The following TLN2 variants were observed in gnomAD, a reference collection of about 807,000 sequenced individuals.
TLN2 encodes talin 2, also known as talin-2.
Under a neutral mutation model 294.7 loss-of-function variants are expected in TLN2, and 118 were observed. The ratio of observed to expected loss-of-function variants is 0.40; its 90% CI spans 0.34 to 0.47. TLN2 has a LOEUF of 0.47. Ranked by LOEUF, TLN2 falls within the 20% of genes least tolerant of loss-of-function variation. The pLI is 0.84. For synonymous variants in TLN2, 1,431 were observed against 1,304.5 expected (o/e 1.10, Z -2.09); for missense variants, 3,083 against 3,282.2 (o/e 0.94, Z 1.48).
At chr15:62,640,465 G>A in intron 3 of TLN2, 1 of 419,798 alleles carries the variant, frequency 2.4e-6, no homozygotes, top group Non-Finnish European at 4.7e-6. Flanking sequence ...CTTGCCAGGT[G>A]GGCACAAACC....
chr15:62,716,448 A>G lies in TLN2; in HGVS notation c.2752A>G (p.Asn918Asp). Residue 918 changes from asparagine (N) to aspartate (D), a missense_variant, in exon 23 of 59, where the codon AAC becomes GAC. By Grantham distance (23) the Asn-to-Asp change is conservative. Coordinates refer to ENST00000636159, the MANE Select transcript of TLN2 (RefSeq NM_015059.3). ...AQNAIKKKIV[N>D]RLEVAAKQAA... ...GAATGCTATTAAGAAAAAAATTGTC[A>G]ACCGACTGGAGGTAAGGAAAGAGGC... The G allele has an allele frequency of 3.1e-6, 5 of 1,604,524 alleles. No individual in the cohort carries two copies. Among genetic ancestry groups the G allele is most frequent in the Non-Finnish European group, 4.3e-6 (5 of 1,176,034 alleles).
At chr15:62,400,822 T>G (rs2032962694) in intron 1 of TLN2, among the ~76,000 whole-genome samples, 1 of 150,516 alleles carries the variant, frequency 6.6e-6, no homozygotes, top group African/African-American at 2.4e-5. Flanking sequence ...GTTTTTTTTT[T>G]TTTTTTTTTT....
At chr15:62,825,923 C>T (rs990786806) in intron 54 of TLN2, among the ~76,000 whole-genome samples, 2 of 134,798 alleles carry the variant, frequency 1.5e-5, no homozygotes, top group Non-Finnish European at 3.0e-5. Flanking sequence ...GTCCCAGCTA[C>T]TCAGGAGGCT....
intron 1 of TLN2, among the ~76,000 whole-genome samples, chr15:62,475,865 G>T (rs2037756928): frequency 6.6e-6 from 1 of 152,196 alleles, no homozygotes; most frequent in African/African-American, 2.4e-5. Context: ...AATAACATTT[G>T]TTTAGAAACA....
chr15:62,806,402 A>C (rs117175218), intron 51 of TLN2, among the ~76,000 whole-genome samples: 1 of 152,164 alleles, frequency 6.6e-6, no homozygotes, highest in African/African-American at 2.4e-5. Flanking sequence ...GGATTGCAGC[A>C]CTTGGTTCCA....
chr15:62,525,617 C>A (rs1042477881), intron 1 of TLN2, among the ~76,000 whole-genome samples: 1 of 152,178 alleles, frequency 6.6e-6, no homozygotes, highest in East Asian at 1.9e-4. Flanking sequence ...CTGCAGTCAC[C>A]CTTTTCTTGT....
chr15:62,676,381 C>T lies in TLN2; in HGVS notation c.957+1060C>T, dbSNP rs113493732. On this transcript the variant is annotated intron_variant, in intron 11 of 58. Transcript: ENST00000636159. ...TCGCTGGGGCCTTTGCAATGAAGAA[C>T]GTATACATCAGTCACCTTGTTTTTA... 2.0e-5 allele frequency among the ~76,000 whole-genome samples: 3 copies of T among 152,276 alleles called. 1 individual carries two copies. Among genetic ancestry groups the T allele is most frequent in the African/African-American group, 7.2e-5 (3 of 41,558 alleles).
At chr15:62,425,303 G>A (rs186263367) in intron 1 of TLN2, among the ~76,000 whole-genome samples, 75 of 150,672 alleles carry the variant, frequency 5.0e-4, no homozygotes, top group African/African-American at 1.8e-3. Flanking sequence ...TGCTGCTAGG[G>A]GATGAGCACC....
At chr15:62,638,601 A>T (rs758516622) in intron 3 of TLN2, 36 of 455,848 alleles carry the variant, frequency 7.9e-5, no homozygotes, top group Admixed American at 4.0e-4. Context: ...CTTGACTTCA[A>T]GGTTTTAGTT....
chr15:62,722,591 T>A, intron 26 of TLN2, 104 bp downstream of exon 26: 1 of 1,360,918 alleles, frequency 7.3e-7, no homozygotes, highest in Admixed American at 2.6e-5. Context: ...CTTGGCAAAG[T>A]TGTCCATTCT....
Position 62,805,707 on chromosome 15 carries a change from C to T in TLN2, c.6585C>T (p.Asn2195=). Residue 2195 remains asparagine, a synonymous_variant, in exon 51 of 59, where the codon AAC becomes AAT. Coordinates refer to ENST00000636159, the MANE Select transcript of TLN2 (RefSeq NM_015059.3). The stretch of plus-strand genomic sequence containing the variant: ...CAGCCAAAGCCGTGGCAGCTGGGAA[C>T]TCATGTAGACAGGAGGACGTGATTG... ...MATAKAVAAG[N]SCRQEDVIAT... 6.2e-7 allele frequency: 1 copy of T among 1,614,198 alleles called. No individual in the cohort carries two copies.
intron 48 of TLN2, 115 bp downstream of exon 48, chr15:62,797,517 T>A: frequency 8.0e-7 from 1 of 1,246,458 alleles, no homozygotes; most frequent in South Asian, 1.6e-5. Flanking sequence ...AATGTGTGTG[T>A]GAGTGTGTCT....
intron 25 of TLN2, 65 bp from the exon 26 acceptor site, chr15:62,722,288 T>A: frequency 4.0e-6 from 6 of 1,518,700 alleles, no homozygotes; most frequent in Non-Finnish European, 5.4e-6. Context: ...CCTCGCTGCT[T>A]AGGTCTCTCC....
At chr15:62,747,102 C>T (rs150665065) in intron 32 of TLN2, among the ~76,000 whole-genome samples, 23 of 152,284 alleles carry the variant, frequency 1.5e-4, no homozygotes, top group African/African-American at 5.5e-4. Flanking sequence ...CAACTATGAG[C>T]TATATCTTAT....
Position 62,833,565 on chromosome 15 carries a change from C to T in TLN2, c.7064C>T (p.Ala2355Val). 6.2e-7 allele frequency: 1 copy of T among 1,614,182 alleles called. No homozygotes were observed. Among genetic ancestry groups the T allele is most frequent in the Non-Finnish European group, 8.5e-7 (1 of 1,180,028 alleles). Residue 2355 changes from alanine to valine, a missense_variant, in exon 55 of 59, where the codon GCT becomes GTT. Coordinates refer to ENST00000636159, the MANE Select transcript of TLN2 (RefSeq NM_015059.3). ...TTGGAAGCTGCTAAATCCATTGCTG[C>T]TGCCACAAGCGCCCTGGTCAAATCG... is the stretch of plus-strand genomic sequence containing the variant. ...QILEAAKSIA[A>V]ATSALVKSAS...
chr15:62,582,345 A>C (rs906697550), intron 1 of TLN2, among the ~76,000 whole-genome samples: 2 of 151,962 alleles, frequency 1.3e-5, no homozygotes, highest in African/African-American at 4.8e-5. Context: ...TTTTTCAGTC[A>C]TTCATTGAGC....
At chr15:62,439,375 T>C (rs2035441402) in intron 1 of TLN2, among the ~76,000 whole-genome samples, 1 of 152,080 alleles carries the variant, frequency 6.6e-6, no homozygotes, top group Non-Finnish European at 1.5e-5. Context: ...TGCAGTGGCA[T>C]GATCTCAGCT....
At chr15:62,808,433 T>C (rs1468280435) in intron 51 of TLN2, among the ~76,000 whole-genome samples, 1 of 152,204 alleles carries the variant, frequency 6.6e-6, no homozygotes, top group Non-Finnish European at 1.5e-5. Context: ...TCTTTGGGCA[T>C]ATCTGTTTTT....
At chr15:62,499,451 AAAAT>A (rs1359879421) in intron 1 of TLN2, among the ~76,000 whole-genome samples, 1 of 152,212 alleles carries the variant, frequency 6.6e-6, no homozygotes, top group Non-Finnish European at 1.5e-5. Flanking sequence ...CCAAAAAAAT[AAAAT>A]AAATAGAGAA....
Sources: allele counts gnomAD v4.1 joint callset (sites outside exome capture counted in the v4.1 genomes callset), GRCh38; gene constraint gnomAD v4.1.1; transcripts MANE v1.5; gene names NCBI Gene and HGNC (gene_info 2026-07-23, HGNC 2026-07-21).